Variants in POLA2 observed in about 807,000 individuals in gnomAD.
POLA2 encodes DNA polymerase alpha subunit B.
Under a neutral mutation model 82.8 loss-of-function variants are expected in POLA2, and 47 were observed. The ratio of observed to expected loss-of-function variants is 0.57; its 90% CI spans 0.45 to 0.72. The LOEUF is 0.72. Ranked by LOEUF, POLA2 falls within the 30% of genes least tolerant of loss-of-function variation. The pLI, the probability that POLA2 is intolerant of heterozygous loss-of-function variation, is 0.00. For synonymous variants in POLA2, 287 were observed against 286.8 expected (o/e 1.00, Z -0.01); for missense variants, 634 against 728.1 (o/e 0.87, Z 1.49).
At chr11:65,275,832 A>G (rs1459973451) in intron 4 of POLA2, 60 bp from the exon 5 acceptor site, 2 of 933,100 alleles carry the variant, frequency 2.1e-6, no homozygotes, top group Non-Finnish European at 3.4e-6. Flanking sequence ...AAGGTACTAT[A>G]CACTTAATTA....
downstream of POLA2, among the ~76,000 whole-genome samples, chr11:65,302,640 C>T (rs1022786509): frequency 4.6e-5 from 7 of 152,168 alleles, no homozygotes; most frequent in Admixed American, 4.6e-4. Flanking sequence ...TAGTAGTTGC[C>T]TCTGGGGACG....
chr11:65,271,793 T>G (rs488289), intron 4 of POLA2, among the ~76,000 whole-genome samples: 1 of 142,230 alleles, frequency 7.0e-6, no homozygotes, highest in Admixed American at 7.4e-5. Flanking sequence ...GAGCCAAGAT[T>G]ACACCACTGC....
At chr11:65,264,171 G>A (rs1342547705) in intron 1 of POLA2, among the ~76,000 whole-genome samples, 2 of 152,030 alleles carry the variant, frequency 1.3e-5, no homozygotes, top group East Asian at 1.9e-4. Context: ...GAGTTCAAGC[G>A]GTTCTCCTGC....
intron 4 of POLA2, among the ~76,000 whole-genome samples, chr11:65,269,414 G>C (rs917712130): frequency 7.9e-5 from 12 of 151,916 alleles, no homozygotes; most frequent in African/African-American, 2.9e-4. Flanking sequence ...GGGAACCTGG[G>C]AGGCAGAGCT....
intron 1 of POLA2, among the ~76,000 whole-genome samples, chr11:65,265,583 C>T (rs562680793): frequency 3.9e-4 from 60 of 152,192 alleles, no homozygotes; most frequent in Admixed American, 3.3e-3. Flanking sequence ...TTGGCTCAAG[C>T]AATCCTTCCA....
rs779247587 is a variant in POLA2 at position 65,275,849 on chromosome 11, G to C, written c.355-43G>C. On this transcript the variant is annotated intron_variant, in intron 4 of 17. Transcript: ENST00000265465. ...GGTACTATACACTTAATTAGTATTG[G>C]GTCTAGTAGGACTGAGATTTTGTTT... 4 of 1,096,174 alleles carry C rather than the reference G, an allele frequency of 3.6e-6. No individual in the cohort carries two copies. The African/African-American group carries it at 4.7e-5, about 13-fold the overall frequency. 67.9% of individuals were successfully genotyped at this position (1,096,174 alleles called of 1,614,324 possible).
intron 11 of POLA2, among the ~76,000 whole-genome samples, chr11:65,288,241 G>A (rs1949718019): frequency 6.6e-6 from 1 of 152,186 alleles, no homozygotes; most frequent in African/African-American, 2.4e-5. Context: ...CTGGGAAGCA[G>A]AGGTTGCAGT....
At chr11:65,283,949 T>C (rs1949667239) in intron 10 of POLA2, among the ~76,000 whole-genome samples, 1 of 146,092 alleles carries the variant, frequency 6.8e-6, no homozygotes, top group Non-Finnish European at 1.5e-5. Flanking sequence ...CTGGGCAATA[T>C]GGCGAAAACC....
At chr11:65,294,282 A>C in intron 14 of POLA2, 21 bp downstream of exon 14, 1 of 1,582,594 alleles carries the variant, frequency 6.3e-7, no homozygotes, top group Non-Finnish European at 8.7e-7. Flanking sequence ...CCACTCCTTG[A>C]CCAGCAGGCA....
chr11:65,264,980 G>A (rs768516308), intron 1 of POLA2, among the ~76,000 whole-genome samples: 9 of 152,092 alleles, frequency 5.9e-5, no homozygotes, highest in South Asian at 4.1e-4. Context: ...CCTGTAATCC[G>A]AGCACTTTGG....
intron 11 of POLA2, among the ~76,000 whole-genome samples, chr11:65,288,802 G>A (rs1379852160): frequency 6.6e-6 from 1 of 152,212 alleles, no homozygotes; most frequent in East Asian, 1.9e-4. Flanking sequence ...TTACAGATGT[G>A]AGCCCAGTGT....
intron 12 of POLA2, 113 bp downstream of exon 12, chr11:65,289,201 C>A: frequency 1.3e-6 from 1 of 777,096 alleles, no homozygotes; most frequent in Non-Finnish European, 2.1e-6. Flanking sequence ...AGTCCTGTGG[C>A]TAATCAGAAA....
chr11:65,267,463 CTT>C lies in POLA2; in HGVS notation c.205-11_205-10del, dbSNP rs1344923138. On this transcript the variant is annotated splice_polypyrimidine_tract_variant and intron_variant, in intron 2 of 17. Transcript: ENST00000265465. The stretch of plus-strand genomic sequence containing the variant: ...GACTATGAAGTACTGTATTCACTAT[CTT>C]TTCTTTTTCAGTTTCTGAGCAAAAG... 2 of 1,574,234 alleles carry C rather than the reference CTT, an allele frequency of 1.3e-6. No homozygotes were observed. Among genetic ancestry groups the C allele is most frequent in the African/African-American group, 1.4e-5 (1 of 73,844 alleles).
At chr11:65,268,250 C>T (rs762388563) in intron 3 of POLA2, among the ~76,000 whole-genome samples, 5 of 151,916 alleles carry the variant, frequency 3.3e-5, no homozygotes, top group African/African-American at 4.8e-5. Context: ...TCCTGGACGA[C>T]GAGGAAACCC....
At chr11:65,266,469 C>G in intron 1 of POLA2, 113 bp from the exon 2 acceptor site, 2 of 1,109,206 alleles carry the variant, frequency 1.8e-6, no homozygotes, top group Admixed American at 4.1e-5. Flanking sequence ...GTGCCTGGCA[C>G]TAATAGATTC....
At chr11:65,276,344 G>A (rs1304425957) in intron 5 of POLA2, among the ~76,000 whole-genome samples, 1 of 151,958 alleles carries the variant, frequency 6.6e-6, no homozygotes, top group East Asian at 1.9e-4. Flanking sequence ...GTTTCCACCT[G>A]CTTCTGTTTG....
At chr11:65,281,251 A>G (rs1949638252) in intron 8 of POLA2, 104 bp downstream of exon 8, 1 of 1,208,454 alleles carries the variant, frequency 8.3e-7, no homozygotes, top group South Asian at 1.4e-5. Context: ...CTCTGCTGCC[A>G]TGGGGTGCAG....
At chr11:65,273,236 C>T (rs991534184) in intron 4 of POLA2, among the ~76,000 whole-genome samples, 1 of 151,930 alleles carries the variant, frequency 6.6e-6, no homozygotes, top group African/African-American at 2.4e-5. Context: ...AGGAGAATTG[C>T]CTGAACCCAG....
At chr11:65,305,302 G>A in intron 8 of POLA2, 2 of 447,900 alleles carry the variant, frequency 4.5e-6, no homozygotes, top group South Asian at 3.2e-5. Context: ...CAAATGAAAA[G>A]GTGACCAGCC....
Sources: gnomAD v4.1 joint callset for allele counts (sites outside exome capture counted in the v4.1 genomes callset) on GRCh38, gnomAD v4.1.1 for gene constraint, MANE v1.5 for transcripts, NCBI Gene and HGNC (gene_info 2026-07-23, HGNC 2026-07-21) for gene names.